ANK2: variants seen among roughly 807,000 people sequenced by gnomAD.
ANK2 encodes ankyrin 2.
ANK2 carries 83 observed loss-of-function variants against 360.5 expected under a neutral mutation model. The observed-to-expected ratio is 0.23, with a 90% CI of 0.19 to 0.28. The LOEUF is 0.28. Ranked by LOEUF, ANK2 falls within the 10% of genes least tolerant of loss-of-function variation. ANK2 has a pLI of 1.00. For synonymous variants in ANK2, 1,740 were observed against 1,759.5 expected (o/e 0.99, Z 0.28); for missense variants, 4,201 against 4,795.7 (o/e 0.88, Z 3.66).
intron 1 of ANK2, among the ~76,000 whole-genome samples, chr4:112,882,502 C>T (rs1296055600): frequency 6.6e-6 from 1 of 152,014 alleles, no homozygotes; most frequent in Non-Finnish European, 1.5e-5. Context: ...TGTTTACTAA[C>T]TTGGAATGGA....
chr4:113,178,571 C>CA (rs537519981), intron 2 of ANK2, among the ~76,000 whole-genome samples: 23,895 of 97,896 alleles, frequency 0.24, 2,160 homozygotes, highest in East Asian at 0.36. Flanking sequence ...GACTCCATCT[C>CA]AAAAAAAAAA....
At chr4:113,060,469 C>G (rs2072656712) in intron 1 of ANK2, among the ~76,000 whole-genome samples, 1 of 151,996 alleles carries the variant, frequency 6.6e-6, no homozygotes, top group South Asian at 2.1e-4. Flanking sequence ...ACCCTTCCTG[C>G]TTGAATCTAC....
chr4:112,856,862 A>G (rs567560399), intron 1 of ANK2, among the ~76,000 whole-genome samples: 1 of 152,378 alleles, frequency 6.6e-6, no homozygotes, highest in East Asian at 1.9e-4. Flanking sequence ...AACTCTTAAT[A>G]TAGCAAAGCC....
At chr4:113,091,526 A>G (rs2088124799) in intron 1 of ANK2, among the ~76,000 whole-genome samples, 1 of 152,224 alleles carries the variant, frequency 6.6e-6, no homozygotes. Flanking sequence ...AAAAAGCAAA[A>G]CGGTCCAAAT....
At chr4:113,249,566 T>C (rs1372570235) in intron 9 of ANK2, among the ~76,000 whole-genome samples, 198 bp from the exon 10 acceptor site, 1 of 152,256 alleles carries the variant, frequency 6.6e-6, no homozygotes, top group Non-Finnish European at 1.5e-5. Flanking sequence ...TTTCTCTTTC[T>C]TGTTCTCTGT....
chr4:113,249,641 T>A (rs752259368), intron 9 of ANK2, 123 bp from the exon 10 acceptor site: 30 of 867,614 alleles, frequency 3.5e-5, no homozygotes, highest in Admixed American at 1.2e-4. Flanking sequence ...AAATTGCAGT[T>A]CTATTACTTA....
chr4:112,784,121 A>C, the ANK2 span, among the ~76,000 whole-genome samples: 1 of 152,112 alleles, frequency 6.6e-6, no homozygotes, highest in Non-Finnish European at 1.5e-5. Flanking sequence ...TCTTGTGATA[A>C]GCAATGCTTC....
At chr4:113,110,479 T>A (rs1044529739) in intron 1 of ANK2, among the ~76,000 whole-genome samples, 1 of 152,208 alleles carries the variant, frequency 6.6e-6, no homozygotes, top group Non-Finnish European at 1.5e-5. Flanking sequence ...GCATATCTTA[T>A]GTCTGTTGGT....
At chr4:112,792,833 T>C in the ANK2 span, among the ~76,000 whole-genome samples, 2 of 152,202 alleles carry the variant, frequency 1.3e-5, no homozygotes, top group African/African-American at 4.8e-5. Flanking sequence ...AATTTTGCCC[T>C]ATTATAAAGG....
At chr4:113,231,284 C>A (rs1265269200) in intron 4 of ANK2, among the ~76,000 whole-genome samples, 1 of 152,036 alleles carries the variant, frequency 6.6e-6, no homozygotes, top group African/African-American at 2.4e-5. Flanking sequence ...GAACTCCTGA[C>A]CTTGTGATCC....
intron 2 of ANK2, among the ~76,000 whole-genome samples, chr4:113,015,431 G>A (rs755349780): frequency 2.0e-5 from 3 of 152,112 alleles, no homozygotes; most frequent in Admixed American, 6.5e-5. Flanking sequence ...CCATATGTCC[G>A]AACTTTAAGA....
At chr4:113,299,645 C>T (rs1228353590) in intron 22 of ANK2, among the ~76,000 whole-genome samples, 2 of 146,744 alleles carry the variant, frequency 1.4e-5, no homozygotes, top group African/African-American at 5.1e-5. Flanking sequence ...GCGGAGGTTG[C>T]AGTGAGCTGA....
intron 21 of ANK2, 41 bp from the exon 22 acceptor site, chr4:113,293,399 C>T: frequency 4.5e-6 from 7 of 1,565,746 alleles, no homozygotes; most frequent in Non-Finnish European, 6.1e-6. Context: ...TCGCAGTCCT[C>T]TCTCTTATTT....
At chr4:113,096,548 G>T (rs2091111087) in intron 1 of ANK2, among the ~76,000 whole-genome samples, 1 of 152,062 alleles carries the variant, frequency 6.6e-6, no homozygotes, top group South Asian at 2.1e-4. Flanking sequence ...CAGTATTTAT[G>T]CTTTATCTTT....
intron 1 of ANK2, among the ~76,000 whole-genome samples, chr4:112,829,491 CAAAAAAAAA>C (rs60272903): frequency 1.6e-5 from 1 of 60,726 alleles, no homozygotes; most frequent in Non-Finnish European, 3.1e-5. Flanking sequence ...CCCATCTCTA[CAAAAAAAAA>C]AAAAAAAAAA....
chr4:113,067,675 C>A (rs1248937643), intron 1 of ANK2, among the ~76,000 whole-genome samples: 1 of 152,102 alleles, frequency 6.6e-6, no homozygotes, highest in Non-Finnish European at 1.5e-5. Context: ...AGGTTGGAGG[C>A]AAAGAAGGTA....
In ANK2 at chr4:113,210,726, A is replaced by G. The variant is rs146517812; in HGVS notation, c.384+11617A>G. Among the ~76,000 whole-genome samples, 1,130 of 152,246 alleles carry G rather than the reference A, an allele frequency of 7.4e-3. 9 individuals carry two copies. The highest frequency in any genetic ancestry group is 0.012 in the African/African-American group (499 of 41,564). On this transcript the variant is annotated intron_variant, in intron 4 of 45. Coordinates refer to ENST00000357077, the MANE Select transcript of ANK2 (RefSeq NM_001148.6). ...ATAATTATGTAAAACGCTTAACACA[A>G]TCCTTAGCATATAGGGGCACTCTAC...
rs771023472 is a variant in ANK2 at position 113,006,962 on chromosome 4, A to G, written c.21+102448A>G. Reference sequence around the variant, plus strand: ...GTTAACAATTAGCAGAAAAATTAGAACAAGGAAAATGGTTACTCTTCTTAT... The same window carrying G: ...GTTAACAATTAGCAGAAAAATTAGAGCAAGGAAAATGGTTACTCTTCTTAT... On this transcript the variant is annotated intron_variant, in intron 2 of 30. Transcript: ENST00000503271. Among the ~76,000 whole-genome samples, 10 of 152,210 alleles carry G rather than the reference A, an allele frequency of 6.6e-5. No homozygotes were observed. In the South Asian group the frequency reaches 1.0e-3, roughly 16 times the overall value.
At chr4:113,178,688 C>T (rs997408003) in intron 2 of ANK2, among the ~76,000 whole-genome samples, 3 of 152,002 alleles carry the variant, frequency 2.0e-5, no homozygotes, top group Non-Finnish European at 4.4e-5. Flanking sequence ...AATACAGTGA[C>T]TAATGTTACC....
Sources: allele counts gnomAD v4.1 joint callset (sites outside exome capture counted in the v4.1 genomes callset), GRCh38; gene constraint gnomAD v4.1.1; transcripts MANE v1.5; gene names NCBI Gene and HGNC (gene_info 2026-07-23, HGNC 2026-07-21).